The following LUZP2 variants were observed in gnomAD, a reference collection of about 807,000 sequenced individuals.
LUZP2 encodes the protein leucine zipper protein 2.
A neutral mutation model predicts 51.6 loss-of-function variants in LUZP2; 52 were observed. The observed-to-expected ratio is 1.01, with a 90% CI of 0.81 to 1.27. The LOEUF (loss-of-function observed/expected upper bound fraction) is 1.27. Among genes scored for constraint, LUZP2 ranks in the 50% most tolerant of loss-of-function variants. The pLI, the probability that LUZP2 is intolerant of heterozygous loss-of-function variation, is 0.00. For missense variants in LUZP2, 436 were observed against 395.4 expected (o/e 1.10, Z -0.87); for synonymous variants, 154 against 137.3 (o/e 1.12, Z -0.85).
intron 5 of LUZP2, among the ~76,000 whole-genome samples, chr11:24,866,329 T>G (rs894164420): frequency 2.6e-5 from 4 of 152,120 alleles, no homozygotes; most frequent in Non-Finnish European, 5.9e-5. Context: ...GGGCATAATT[T>G]TCTGTATAAC....
At chr11:25,017,708 ATTGTTG>A (rs112742532) in intron 9 of LUZP2, among the ~76,000 whole-genome samples, 4 of 151,662 alleles carry the variant, frequency 2.6e-5, no homozygotes, top group African/African-American at 7.3e-5. Context: ...AAGTTTGCTT[ATTGTTG>A]TTGTTGTTGT....
intron 7 of LUZP2, among the ~76,000 whole-genome samples, chr11:24,966,466 G>A (rs190862589): frequency 2.1e-3 from 323 of 150,290 alleles, no homozygotes; most frequent in Non-Finnish European, 4.2e-3. Flanking sequence ...AGAAATATTT[G>A]TCTATCTCAA....
At chr11:24,927,621 A>T (rs1245722229) in intron 7 of LUZP2, among the ~76,000 whole-genome samples, 1 of 152,052 alleles carries the variant, frequency 6.6e-6, no homozygotes, top group African/African-American at 2.4e-5. Flanking sequence ...TACCAGTACC[A>T]TGTTGTTTTG....
At chr11:24,865,594 G>A (rs1004996960) in intron 5 of LUZP2, among the ~76,000 whole-genome samples, 1 of 152,050 alleles carries the variant, frequency 6.6e-6, no homozygotes. Context: ...TGCTGCTAGT[G>A]TCTGTCTCAC....
intron 7 of LUZP2, among the ~76,000 whole-genome samples, chr11:24,965,300 AG>A (rs1035695496): frequency 6.7e-5 from 10 of 149,150 alleles, no homozygotes; most frequent in Non-Finnish European, 1.3e-4. Context: ...CTGGCCTAAA[AG>A]TAAATTTTAA....
intron 1 of LUZP2, among the ~76,000 whole-genome samples, chr11:24,664,869 G>A (rs1437810910): frequency 6.6e-6 from 1 of 152,152 alleles, no homozygotes; most frequent in African/African-American, 2.4e-5. Context: ...AGCCCTCAAG[G>A]AGAACCTCTA....
intron 7 of LUZP2, among the ~76,000 whole-genome samples, chr11:24,934,083 G>A (rs1288318808): frequency 2.0e-5 from 3 of 152,210 alleles, no homozygotes; most frequent in Non-Finnish European, 4.4e-5. Flanking sequence ...CAGGGAAGGT[G>A]TATTGTCACA....
chr11:25,031,227 C>T (rs1857677079), intron 9 of LUZP2, among the ~76,000 whole-genome samples: 1 of 150,656 alleles, frequency 6.6e-6, no homozygotes, highest in African/African-American at 2.4e-5. Flanking sequence ...GGCCAGGCTG[C>T]TCTCGAACTC....
chr11:24,600,052 T>C (rs1853569555), intron 1 of LUZP2, among the ~76,000 whole-genome samples: 1 of 152,148 alleles, frequency 6.6e-6, no homozygotes, highest in Non-Finnish European at 1.5e-5. Context: ...TACCTGTGAA[T>C]GTGACCTTAC....
intron 4 of LUZP2, among the ~76,000 whole-genome samples, chr11:24,762,674 C>T (rs747843900): frequency 3.3e-5 from 5 of 152,036 alleles, no homozygotes; most frequent in Non-Finnish European, 4.4e-5. Context: ...CCATTTTTTA[C>T]AAAGCACTCG....
chr11:24,814,858 G>T (rs192664342), intron 5 of LUZP2, among the ~76,000 whole-genome samples: 1 of 152,046 alleles, frequency 6.6e-6, no homozygotes, highest in Non-Finnish European at 1.5e-5. Context: ...CAGGCGTGGC[G>T]GTGTGCGCCT....
intron 5 of LUZP2, chr11:24,891,476 T>C (rs560290525): frequency 1.1e-6 from 1 of 948,264 alleles, no homozygotes. Context: ...TTAAATACTT[T>C]ACTATAAAGC....
chr11:24,954,508 A>G (rs1855162596), intron 7 of LUZP2, among the ~76,000 whole-genome samples: 1 of 152,042 alleles, frequency 6.6e-6, no homozygotes, highest in Non-Finnish European at 1.5e-5. Flanking sequence ...GTGGGTTGCC[A>G]ACACCATTCT....
At chr11:25,004,431 G>T (rs146322700) in intron 9 of LUZP2, among the ~76,000 whole-genome samples, 1 of 152,148 alleles carries the variant, frequency 6.6e-6, no homozygotes, top group East Asian at 1.9e-4. Flanking sequence ...CCTTTTGGGT[G>T]TGTTCCTCTT....
chr11:24,548,375 CAA>C (rs1030458919), intron 1 of LUZP2, among the ~76,000 whole-genome samples: 1 of 151,836 alleles, frequency 6.6e-6, no homozygotes, highest in Non-Finnish European at 1.5e-5. Flanking sequence ...CAGCCAGCAA[CAA>C]AAAATGAGAT....
chr11:24,789,508 T>C (rs1207159916), intron 5 of LUZP2, among the ~76,000 whole-genome samples: 3 of 152,236 alleles, frequency 2.0e-5, no homozygotes, highest in East Asian at 3.8e-4. Context: ...ATCTGTTTCC[T>C]GATGGAGTCC....
rs139279336 is a variant in LUZP2, at chr11:24,584,641, A to T, written c.62+87336A>T. On this transcript the variant is annotated intron_variant, in intron 1 of 11. Transcript: ENST00000336930. ...GAAATTATCTTTATATTGGTAATTT[A>T]CTGTGCTCTGGCATGTGTGTGTATG... Among the ~76,000 whole-genome samples the T allele has an allele frequency of 3.4e-3, 523 of 152,282 alleles. 8 individuals carry two copies. Among genetic ancestry groups the T allele is most frequent in the African/African-American group, 0.012 (499 of 41,572 alleles).
At chr11:24,599,933 G>A (rs1481479074) in intron 1 of LUZP2, among the ~76,000 whole-genome samples, 3 of 151,982 alleles carry the variant, frequency 2.0e-5, no homozygotes, top group East Asian at 3.9e-4. Flanking sequence ...TTTTGTTGAT[G>A]GGGAACACAT....
intron 1 of LUZP2, among the ~76,000 whole-genome samples, chr11:24,707,504 A>G (rs537142161): frequency 7.0e-4 from 107 of 152,260 alleles, no homozygotes; most frequent in African/African-American, 2.6e-3. Context: ...CTTAGATATG[A>G]TGAGAATTGG....
Sources: allele counts gnomAD v4.1 joint callset (sites outside exome capture counted in the v4.1 genomes callset), GRCh38; gene constraint gnomAD v4.1.1; transcripts MANE v1.5; gene names NCBI Gene and HGNC (gene_info 2026-07-23, HGNC 2026-07-21).